ADGRV1: variants seen among roughly 807,000 people sequenced by gnomAD.
ADGRV1 encodes adhesion G protein-coupled receptor V1.
In ADGRV1, 359 loss-of-function variants were observed where a neutral mutation model predicts 596.2. That is an observed-to-expected ratio of 0.60 (90% CI 0.55 to 0.66). ADGRV1 has a LOEUF of 0.66. Ranked by LOEUF, ADGRV1 falls within the 30% of genes least tolerant of loss-of-function variation. The pLI, the probability that ADGRV1 is intolerant of heterozygous loss-of-function variation, is 0.00. For synonymous variants in ADGRV1, 2,681 were observed against 2,679.2 expected, an observed-to-expected ratio of 1.00 and a Z score of -0.02; for missense variants, 7,274 against 7,575.6, an observed-to-expected ratio of 0.96 and a Z score of 1.48.
intron 35 of ADGRV1, 80 bp downstream of exon 35, chr5:90,703,875 A>G: frequency 2.0e-6 from 2 of 982,140 alleles, no homozygotes; most frequent in East Asian, 2.7e-5. Context: ...GAAAAGCAGC[A>G]CTATTGTAGT....
chr5:90,705,104 G>A (rs774517720), intron 36 of ADGRV1, among the ~76,000 whole-genome samples: 4 of 152,006 alleles, frequency 2.6e-5, no homozygotes, highest in Non-Finnish European at 4.4e-5. Context: ...CACCACACCC[G>A]GCCCAAATTG....
At chr5:90,998,815 C>A (rs1433291114) in intron 85 of ADGRV1, among the ~76,000 whole-genome samples, 1 of 152,024 alleles carries the variant, frequency 6.6e-6, no homozygotes, top group Non-Finnish European at 1.5e-5. Context: ...TTAATGTTTG[C>A]CAGTGTGATT....
At chr5:90,894,486 TG>T (rs1771115734) in intron 83 of ADGRV1, among the ~76,000 whole-genome samples, 1 of 152,094 alleles carries the variant, frequency 6.6e-6, no homozygotes, top group Non-Finnish European at 1.5e-5. Flanking sequence ...GGCTGTGGGG[TG>T]GGAAGGACTG....
chr5:90,617,745 A>G, intron 2 of ADGRV1, 59 bp from the exon 3 acceptor site: 3 of 1,368,304 alleles, frequency 2.2e-6, no homozygotes, highest in Non-Finnish European at 3.0e-6. Flanking sequence ...AATTAACATC[A>G]GTTTTACTTG....
chr5:91,087,591 G>C (rs1790003294), intron 86 of ADGRV1, among the ~76,000 whole-genome samples: 1 of 152,068 alleles, frequency 6.6e-6, no homozygotes, highest in South Asian at 2.1e-4. Context: ...ATTGAGAGCA[G>C]ATCCAGATGT....
chr5:91,163,983 G>A lies in ADGRV1; in HGVS notation c.*83G>A. 1.4e-6 allele frequency: 1 copy of A among 727,048 alleles called. No individual in the cohort carries two copies. Among genetic ancestry groups the A allele is most frequent in the South Asian group, 1.5e-5 (1 of 67,738 alleles). The allele number at this position is 727,048 out of a possible 1,614,324, so 45.0% of individuals were successfully genotyped here. On this transcript the variant is annotated 3_prime_UTR_variant, in exon 90 of 90. Transcript: ENST00000405460. ...AAACTCTCTAAGTACATCCACCTGTGTAATAGGAACCTGTGAATTGTACTG... is the reference window on the plus strand; with the variant it reads ...AAACTCTCTAAGTACATCCACCTGTATAATAGGAACCTGTGAATTGTACTG...
intron 70 of ADGRV1, among the ~76,000 whole-genome samples, chr5:90,802,365 A>C (rs933215339): frequency 1.3e-5 from 2 of 151,960 alleles, no homozygotes; most frequent in African/African-American, 2.4e-5. Flanking sequence ...ACAGGTTTGC[A>C]CCACCAAGCC....
At position 91,153,405 on chromosome 5, in the gene ADGRV1, A is replaced by C; in HGVS notation, c.18802+7A>C. The C allele has an allele frequency of 1.9e-6, 3 of 1,558,508 alleles. No individual in the cohort carries two copies. The highest frequency in any genetic ancestry group is 2.6e-6 in the Non-Finnish European group (3 of 1,151,360). ...ATATTTGCATTAAAAACTGGTATGT[A>C]TGAACCCATGAACGACATTAGAAGT... On this transcript the variant is annotated splice_region_variant and intron_variant, in intron 89 of 89. Coordinates refer to ENST00000405460, the MANE Select transcript of ADGRV1 (RefSeq NM_032119.4).
At chr5:90,669,820 G>A (rs766523689) in intron 21 of ADGRV1, among the ~76,000 whole-genome samples, 1 of 152,152 alleles carries the variant, frequency 6.6e-6, no homozygotes. Context: ...GCACTTATAA[G>A]CAAATGCAAG....
Position 90,863,893 on chromosome 5 carries a change from A to ATGTTTGTGTT in ADGRV1, c.17856+38_17856+47dup, listed in dbSNP as rs781698919. 12 of 1,301,970 alleles carry ATGTTTGTGTT rather than the reference A, an allele frequency of 9.2e-6. No individual in the cohort carries two copies. The African/African-American group carries it at 1.5e-4, about 16-fold the overall frequency. The allele number at this position is 1,301,970 out of a possible 1,614,324, so 80.7% of individuals were successfully genotyped here. A position where few individuals can be genotyped will look rare whatever the true frequency, so the allele number is the denominator to read the frequency against. On this transcript the variant is annotated intron_variant, in intron 83 of 89. Transcript: ENST00000405460. Reference sequence around the variant, plus strand: ...GCTGGCATTTTTGATTTATCGTGAGATGTTTGTGTTTCTTCTTCTTTGGTT... The same window carrying ATGTTTGTGTT: ...GCTGGCATTTTTGATTTATCGTGAGATGTTTGTGTTTGTTTGTGTTTCTTCTTCTTTGGTT...
chr5:91,047,493 T>G (rs557764189), intron 85 of ADGRV1, among the ~76,000 whole-genome samples: 1 of 152,306 alleles, frequency 6.6e-6, no homozygotes, highest in Admixed American at 6.5e-5. Context: ...GGGAGAAAGA[T>G]GTAGGCTCGG....
At chr5:90,704,233 G>A (rs1327695040) in intron 35 of ADGRV1, among the ~76,000 whole-genome samples, 156 bp from the exon 36 acceptor site, 4 of 152,116 alleles carry the variant, frequency 2.6e-5, no homozygotes, top group Non-Finnish European at 5.9e-5. Flanking sequence ...GTTCCCATGT[G>A]TCAGTGGTTT....
At chr5:90,800,008 A>T (rs942613906) in intron 70 of ADGRV1, among the ~76,000 whole-genome samples, 1 of 152,228 alleles carries the variant, frequency 6.6e-6, no homozygotes, top group Non-Finnish European at 1.5e-5. Context: ...CATTTAGGAC[A>T]TAGGTATGGG....
At chr5:90,879,161 C>T (rs928515449) in intron 83 of ADGRV1, among the ~76,000 whole-genome samples, 7 of 152,204 alleles carry the variant, frequency 4.6e-5, no homozygotes, top group Non-Finnish European at 7.3e-5. Context: ...TTCAACCTCA[C>T]CTCCATGGTT....
In ADGRV1 at chr5:90,802,901, G is replaced by T. The variant is rs371706885; in HGVS notation, c.14661+19G>T. 2.0e-5 allele frequency: 31 copies of T among 1,588,588 alleles called. No homozygotes were observed. The highest frequency in any genetic ancestry group is 2.7e-5 in the Non-Finnish European group (31 of 1,166,498). ...TTCTCAGGTAATTGGCCCTGTGTGTGGTTCTCTCAGCAGAACACTAGAGGG... is the reference window on the plus strand; with the variant it reads ...TTCTCAGGTAATTGGCCCTGTGTGTTGTTCTCTCAGCAGAACACTAGAGGG... On this transcript the variant is annotated intron_variant, in intron 71 of 89. Transcript: ENST00000405460.
chr5:91,089,146 A>C (rs1790164667), intron 86 of ADGRV1, among the ~76,000 whole-genome samples: 1 of 152,190 alleles, frequency 6.6e-6, no homozygotes, highest in African/African-American at 2.4e-5. Flanking sequence ...TATATAACAC[A>C]GATATCAAAG....
At chr5:91,010,661 T>C (rs960517283) in intron 85 of ADGRV1, among the ~76,000 whole-genome samples, 8 of 152,078 alleles carry the variant, frequency 5.3e-5, no homozygotes, top group Non-Finnish European at 1.2e-4. Flanking sequence ...TGCTAAATCA[T>C]GTACTACTTA....
intron 88 of ADGRV1, among the ~76,000 whole-genome samples, chr5:91,152,244 T>G (rs1388320784): frequency 6.6e-6 from 1 of 152,206 alleles, no homozygotes; most frequent in East Asian, 1.9e-4. Context: ...AGGGGTTGTT[T>G]ACCAGTAACC....
intron 1 of ADGRV1, among the ~76,000 whole-genome samples, chr5:90,602,146 C>G (rs767245828): frequency 7.9e-5 from 12 of 152,200 alleles, no homozygotes; most frequent in African/African-American, 1.2e-4. Flanking sequence ...TCCTATTCAT[C>G]ATCCAATTAG....
Sources: allele counts gnomAD v4.1 joint callset (sites outside exome capture counted in the v4.1 genomes callset), GRCh38; gene constraint gnomAD v4.1.1; transcripts MANE v1.5; gene names NCBI Gene and HGNC (gene_info 2026-07-23, HGNC 2026-07-21).